PTPRS: variants seen among roughly 807,000 people sequenced by gnomAD.
PTPRS encodes protein tyrosine phosphatase receptor type S, also known as receptor-type tyrosine-protein phosphatase S.
Under a neutral mutation model 215.3 loss-of-function variants are expected in PTPRS, and 63 were observed. That is an observed-to-expected ratio of 0.29 (90% confidence interval 0.24 to 0.36). PTPRS has a LOEUF of 0.36. Among genes scored for constraint, PTPRS ranks in the 10% least tolerant of loss-of-function variants. The pLI is 1.00. For missense variants in PTPRS, 2,258 were observed against 2,825.8 expected, an observed-to-expected ratio of 0.80 and a Z score of 4.56; for synonymous variants, 1,404 against 1,191.4, an observed-to-expected ratio of 1.18 and a Z score of -3.68.
In PTPRS at chr19:5,208,408, C is replaced by A; in HGVS notation, c.5488-17G>T. On this transcript the variant is annotated splice_polypyrimidine_tract_variant and intron_variant, in intron 35 of 37. Transcript: ENST00000262963. ...CTGGCCATCCTAGAGTGCAGAGAGC[C>A]CAATCTTGTTATCAGGTCAGCAGCG... 6.4e-7 allele frequency: 1 copy of A among 1,556,518 alleles called. No individual in the cohort carries two copies. The highest frequency in any genetic ancestry group is 8.7e-7 in the Non-Finnish European group (1 of 1,147,992).
intron 1 of PTPRS, among the ~76,000 whole-genome samples, chr19:5,337,754 T>C (rs1046432866): frequency 6.6e-6 from 1 of 152,082 alleles, no homozygotes; most frequent in Non-Finnish European, 1.5e-5. Context: ...ATCCCTGGCA[T>C]CCACGAAGCT....
At chr19:5,320,337 C>A (rs1253389970) in intron 1 of PTPRS, among the ~76,000 whole-genome samples, 1 of 152,264 alleles carries the variant, frequency 6.6e-6, no homozygotes, top group African/African-American at 2.4e-5. Flanking sequence ...GCCAAACACA[C>A]AGGCTGACAC....
At position 5,231,353 on chromosome 19, in the gene PTPRS, T is replaced by C. The variant is rs755150216; in HGVS notation, c.2112A>G (p.Pro704=). 1 of 1,612,298 alleles carries C rather than the reference T, an allele frequency of 6.2e-7. No individual in the cohort carries two copies. Among genetic ancestry groups the C allele is most frequent in the Admixed American group, 1.7e-5 (1 of 59,992 alleles). The part of the protein sequence containing the change: ...ITTVAHTEVG[P]GPESSPVVVR... The stretch of plus-strand genomic sequence containing the variant: ...CGACCACGGGCGAGCTCTCGGGCCC[T>C]GGTCCCACCTCTGTGTGAGCGACAG... The change falls in exon 14 of 38, where the codon CCA becomes CCG. Residue 704 remains proline (P), a synonymous_variant. Transcript: ENST00000262963.
chr19:5,258,169 C>G (rs773874230), intron 7 of PTPRS, 42 bp from the exon 8 acceptor site: 4 of 1,529,092 alleles, frequency 2.6e-6, no homozygotes, highest in Admixed American at 3.3e-5. Flanking sequence ...TAGAGGGGGG[C>G]CCAGGAGTGA....
rs185326821 is a variant in PTPRS at position 5,239,044 on chromosome 19, G to A, written c.1724C>T (p.Pro575Leu). 529 of 1,613,294 alleles carry A rather than the reference G, an allele frequency of 3.3e-4. 1 individual carries two copies. The highest frequency in any genetic ancestry group is 4.3e-4 in the Non-Finnish European group (510 of 1,179,718). ...HGREVGRTFD[P>L]TTSYVVEDLK... Reference sequence around the variant, plus strand: ...GTCCTCCACCACGTAGGAAGTCGTCGGGTCGAAGGTCCTTCCCACCTGGGG... The same window carrying A: ...GTCCTCCACCACGTAGGAAGTCGTCAGGTCGAAGGTCCTTCCCACCTGGGG... The change falls in exon 13 of 38, where the codon CCG becomes CTG. Residue 575 changes from proline to leucine, a missense_variant. Coordinates refer to ENST00000262963, the MANE Select transcript of PTPRS (RefSeq NM_002850.4).
At chr19:5,258,843 G>A (rs1038191612) in intron 7 of PTPRS, among the ~76,000 whole-genome samples, 4 of 152,178 alleles carry the variant, frequency 2.6e-5, no homozygotes, top group Admixed American at 2.0e-4. Flanking sequence ...ACTGATTGAA[G>A]AGAAGTCAGA....
chr19:5,279,827 C>T (rs1176838936), intron 2 of PTPRS, among the ~76,000 whole-genome samples: 2 of 152,080 alleles, frequency 1.3e-5, no homozygotes, highest in South Asian at 2.1e-4. Context: ...GGACTATAGG[C>T]GCCCGCCACC....
chr19:5,269,272 C>T (rs1241789858), intron 4 of PTPRS, among the ~76,000 whole-genome samples: 1 of 152,060 alleles, frequency 6.6e-6, no homozygotes, highest in Non-Finnish European at 1.5e-5. Flanking sequence ...CAGCAGCCAG[C>T]CAGGGTGCAG....
intron 16 of PTPRS, among the ~76,000 whole-genome samples, chr19:5,228,361 A>AAAAAAAAAAAAAAG (rs1555757601): frequency 1.3e-4 from 19 of 144,050 alleles, no homozygotes; most frequent in African/African-American, 5.0e-4. Context: ...AAAAAAAAAA[A>AAAAAAAAAAAAAAG]AAGAGACAGG....
chr19:5,240,111 C>G, intron 12 of PTPRS, 88 bp downstream of exon 12: 2 of 1,372,464 alleles, frequency 1.5e-6, no homozygotes, highest in East Asian at 5.7e-5. Flanking sequence ...CACATAGGGA[C>G]AAAGAGGGGG....
chr19:5,211,549 C>T (rs776672620), intron 33 of PTPRS, 41 bp downstream of exon 33: 11 of 1,579,360 alleles, frequency 7.0e-6, no homozygotes, highest in Non-Finnish European at 9.5e-6. Flanking sequence ...TAGAGATGGG[C>T]TCCTTCTGGG....
At chr19:5,278,446 T>C (rs2047577592) in intron 2 of PTPRS, among the ~76,000 whole-genome samples, 1 of 152,046 alleles carries the variant, frequency 6.6e-6, no homozygotes, top group African/African-American at 2.4e-5. Context: ...CCTCAAGCGA[T>C]CCTCTCACCT....
At chr19:5,241,682 G>A (rs912424341) in intron 11 of PTPRS, among the ~76,000 whole-genome samples, 1 of 152,040 alleles carries the variant, frequency 6.6e-6, no homozygotes, top group African/African-American at 2.4e-5. Flanking sequence ...GTGGGTGCCT[G>A]AGTCTGCCCA....
intron 1 of PTPRS, among the ~76,000 whole-genome samples, chr19:5,321,062 G>C (rs1350718785): frequency 6.6e-6 from 1 of 152,146 alleles, no homozygotes; most frequent in East Asian, 1.9e-4. Flanking sequence ...AGGAGTTCGA[G>C]ACCAGCCTGG....
At chr19:5,285,093 T>C (rs1217967988) in intron 2 of PTPRS, among the ~76,000 whole-genome samples, 2 of 152,220 alleles carry the variant, frequency 1.3e-5, no homozygotes, top group Non-Finnish European at 1.5e-5. Context: ...GCTATGTCCC[T>C]AGCAGCAGGC....
intron 2 of PTPRS, chr19:5,277,677 A>G: frequency 2.0e-6 from 1 of 504,634 alleles, no homozygotes; most frequent in Non-Finnish European, 3.6e-6. Flanking sequence ...AAAGGAGGAA[A>G]AGCCTCCCTT....
At chr19:5,273,192 G>T in intron 4 of PTPRS, 1 of 538,788 alleles carries the variant, frequency 1.9e-6, no homozygotes, top group Non-Finnish European at 3.3e-6. Flanking sequence ...GTCATCAGAA[G>T]CACATGATGA....
intron 1 of PTPRS, among the ~76,000 whole-genome samples, chr19:5,312,284 A>T (rs2049731635): frequency 6.6e-6 from 1 of 152,152 alleles, no homozygotes; most frequent in Admixed American, 6.6e-5. Flanking sequence ...ACTGTCAGTG[A>T]AAGAGCATGG....
At chr19:5,332,625 C>T (rs962756767) in intron 1 of PTPRS, among the ~76,000 whole-genome samples, 4 of 152,308 alleles carry the variant, frequency 2.6e-5, no homozygotes, top group South Asian at 2.1e-4. Flanking sequence ...CTTCCTGCCT[C>T]GGTTTCTCCC....
Sources: gnomAD v4.1 joint callset for allele counts (sites outside exome capture counted in the v4.1 genomes callset) on GRCh38, gnomAD v4.1.1 for gene constraint, MANE v1.5 for transcripts, NCBI Gene and HGNC (gene_info 2026-07-23, HGNC 2026-07-21) for gene names.